Variants in RTTN observed in about 807,000 individuals in gnomAD.
RTTN encodes the protein rotatin.
In RTTN, 182 loss-of-function variants were observed where a neutral mutation model predicts 269.2. The observed-to-expected ratio is 0.68, with a 90% CI of 0.60 to 0.76. RTTN has a LOEUF of 0.76. RTTN is among the 30% of genes least tolerant of loss of function. RTTN has a pLI of 0.00. For synonymous variants in RTTN, 1,006 were observed against 963.5 expected (o/e 1.04, Z -0.82); for missense variants, 2,545 against 2,608.6 (o/e 0.98, Z 0.53).
At chr18:70,186,080 C>CAAAAAAAAAAAAAA (rs59754982) in intron 10 of RTTN, among the ~76,000 whole-genome samples, 1 of 112,578 alleles carries the variant, frequency 8.9e-6, no homozygotes, top group African/African-American at 3.1e-5. Flanking sequence ...CTCTCCCCCC[C>CAAAAAAAAAAAAAA]AAAAAAAAAA....
rs59000945 is a variant in RTTN at position 70,184,716 on chromosome 18, T to TTTTTTTTTTTCTGTGTGTG, written c.1305+3391_1305+3392insCACACACAGAAAAAAAAAA. The stretch of plus-strand genomic sequence containing the variant: ...AAACCACAGCAGGTTTTTTTTTTTT[T>TTTTTTTTTTTCTGTGTGTG]TGTGTGTGTGTGTGTGTGTGTGTGT... On this transcript the variant is annotated intron_variant, in intron 10 of 48. Coordinates refer to ENST00000640769, the MANE Select transcript of RTTN (RefSeq NM_173630.4). Among the ~76,000 whole-genome samples the TTTTTTTTTTTCTGTGTGTG allele has an allele frequency of 6.0e-5, 2 of 33,428 alleles. 1 individual carries two copies. Among genetic ancestry groups the TTTTTTTTTTTCTGTGTGTG allele is most frequent in the Non-Finnish European group, 1.6e-4 (2 of 12,316 alleles). The allele number at this position is 33,428 out of a possible 152,430, so 21.9% of individuals were successfully genotyped here.
chr18:70,024,910 C>A, intron 43 of RTTN, 62 bp from the exon 44 acceptor site: 1 of 1,556,130 alleles, frequency 6.4e-7, no homozygotes, highest in South Asian at 1.2e-5. Flanking sequence ...ACATTAAAAT[C>A]AAAACAACAA....
At chr18:70,060,540 T>C (rs1199452055) in intron 35 of RTTN, among the ~76,000 whole-genome samples, 1 of 152,204 alleles carries the variant, frequency 6.6e-6, no homozygotes, top group Non-Finnish European at 1.5e-5. Context: ...AGGCATACTA[T>C]GTGCAATGCT....
At chr18:70,009,405 G>C (rs1216226270) in intron 46 of RTTN, among the ~76,000 whole-genome samples, 1 of 152,130 alleles carries the variant, frequency 6.6e-6, no homozygotes, top group East Asian at 1.9e-4. Flanking sequence ...CAAAAGGCTG[G>C]GATTACAGGT....
chr18:70,022,190 T>G (rs928078003), intron 44 of RTTN, among the ~76,000 whole-genome samples: 1 of 152,182 alleles, frequency 6.6e-6, no homozygotes. Flanking sequence ...CACTTTCTCC[T>G]CTTCTCACAT....
intron 32 of RTTN, among the ~76,000 whole-genome samples, chr18:70,083,046 G>C (rs2058611938): frequency 6.6e-6 from 1 of 152,132 alleles, no homozygotes; most frequent in South Asian, 2.1e-4. Context: ...ACCAATGTTT[G>C]TAAATATCCC....
In RTTN at chr18:70,005,378, AATAAT is replaced by A. The variant is rs555647824; in HGVS notation, c.6526-116_6526-112del. 2,309 of 633,904 alleles carry A rather than the reference AATAAT, an allele frequency of 3.6e-3. 7 individuals carry two copies. The highest frequency in any genetic ancestry group is 5.0e-3 in the Non-Finnish European group (1,918 of 380,814). 39.3% of individuals were successfully genotyped at this position (633,904 alleles called of 1,614,324 possible). On this transcript the variant is annotated intron_variant, in intron 47 of 48. Transcript: ENST00000640769. ...TATTAAACAGAATATTATGAAATAT[AATAAT>A]ATAACTAGAGAGTTCCATCTTAGCA...
chr18:70,176,219 A>G (rs1342328004), intron 11 of RTTN, among the ~76,000 whole-genome samples: 1 of 124,694 alleles, frequency 8.0e-6, no homozygotes, highest in African/African-American at 4.4e-5. Context: ...GTATATGTAT[A>G]TGTATATGTA....
rs1201352700 is a variant in RTTN, at chr18:70,004,113, G to A, written c.*38C>T. ...TGGCTTCAACTTTAGCTCCCCTGTT[G>A]ATGACTGTCAGCTTCAAGGTGTAGC... On this transcript the variant is annotated 3_prime_UTR_variant, in exon 49 of 49. Transcript: ENST00000640769. The A allele has an allele frequency of 1.3e-6, 2 of 1,521,388 alleles. No individual in the cohort carries two copies. Among genetic ancestry groups the A allele is most frequent in the Non-Finnish European group, 1.8e-6 (2 of 1,096,202 alleles). The allele number at this position is 1,521,388 out of a possible 1,614,324, so 94.2% of individuals were successfully genotyped here.
chr18:70,099,546 T>C (rs2059100090), intron 28 of RTTN, among the ~76,000 whole-genome samples: 1 of 152,210 alleles, frequency 6.6e-6, no homozygotes, highest in Non-Finnish European at 1.5e-5. Flanking sequence ...TTCACTCTGA[T>C]GGTAGTTTCT....
intron 38 of RTTN, among the ~76,000 whole-genome samples, chr18:70,051,901 C>G (rs1286632105): frequency 1.3e-5 from 2 of 152,148 alleles, no homozygotes; most frequent in African/African-American, 4.8e-5. Flanking sequence ...GTTTGTGCTA[C>G]TTTTGTCAGA....
intron 28 of RTTN, among the ~76,000 whole-genome samples, chr18:70,096,239 G>C (rs1260129065): frequency 6.6e-6 from 1 of 152,036 alleles, no homozygotes; most frequent in Non-Finnish European, 1.5e-5. Context: ...CATTGAGTTA[G>C]AACATGCTCC....
chr18:70,053,844 A>G (rs1170760576), intron 38 of RTTN, among the ~76,000 whole-genome samples: 2 of 152,270 alleles, frequency 1.3e-5, no homozygotes, highest in African/African-American at 2.4e-5. Context: ...GCCATAGTTT[A>G]TAAGAATAGT....
chr18:70,146,308 T>A (rs2145761732), intron 17 of RTTN, among the ~76,000 whole-genome samples: 1 of 152,240 alleles, frequency 6.6e-6, no homozygotes. Context: ...TGGAAGGGAT[T>A]AGGAATAAGG....
chr18:70,075,320 C>T (rs1002158466), intron 33 of RTTN, 32 bp downstream of exon 33: 15 of 1,432,760 alleles, frequency 1.0e-5, no homozygotes, highest in Non-Finnish European at 1.4e-5. Context: ...TTACATATTA[C>T]AAAAATAAAA....
intron 26 of RTTN, among the ~76,000 whole-genome samples, chr18:70,116,295 A>T (rs1299203059): frequency 6.6e-6 from 1 of 152,044 alleles, no homozygotes; most frequent in Admixed American, 6.6e-5. Context: ...TGCTGATAAA[A>T]ATTAAGTAGA....
At chr18:70,131,113 T>A (rs902298200) in intron 23 of RTTN, 1 of 141,618 alleles carries the variant, frequency 7.1e-6, no homozygotes. Flanking sequence ...TACCTAGTGA[T>A]AACATTTTTT....
chr18:70,109,436 TG>T, intron 28 of RTTN, 61 bp downstream of exon 28: 1 of 1,218,470 alleles, frequency 8.2e-7, no homozygotes, highest in Non-Finnish European at 1.2e-6. Context: ...AATGCACTTG[TG>T]GCCTGGCATA....
chr18:70,031,158 A>C, intron 40 of RTTN, 177 bp from the exon 41 acceptor site: 2 of 559,378 alleles, frequency 3.6e-6, no homozygotes, highest in Non-Finnish European at 3.1e-6. Flanking sequence ...ATAAGACTGT[A>C]TAAGTTGCTT....
Sources: allele counts gnomAD v4.1 joint callset (sites outside exome capture counted in the v4.1 genomes callset), GRCh38; gene constraint gnomAD v4.1.1; transcripts MANE v1.5; gene names NCBI Gene and HGNC (gene_info 2026-07-23, HGNC 2026-07-21).